Variants in PIP5KL1 observed in about 807,000 individuals in gnomAD.
PIP5KL1 encodes the protein phosphatidylinositol 4-phosphate 5-kinase-like protein 1.
PIP5KL1 carries 45 observed loss-of-function variants against 47.6 expected under a neutral mutation model. The observed-to-expected ratio is 0.94, with a 90% CI of 0.74 to 1.21. The LOEUF is 1.21. PIP5KL1 is among the 50% of genes most tolerant of loss of function. The pLI is 0.00. For synonymous variants in PIP5KL1, 256 were observed against 234.6 expected, an observed-to-expected ratio of 1.09 and a Z score of -0.84; for missense variants, 577 against 547.6, an observed-to-expected ratio of 1.05 and a Z score of -0.54.
chr9:127,922,718 A>G (rs1444800321), intron 9 of PIP5KL1, among the ~76,000 whole-genome samples: 2 of 150,702 alleles, frequency 1.3e-5, no homozygotes, highest in Non-Finnish European at 2.9e-5. Flanking sequence ...AAAAGAAAAA[A>G]GAAAAAGAAA....
chr9:127,925,799 C>G (rs1375926978), intron 8 of PIP5KL1, 68 bp downstream of exon 8: 1 of 1,326,296 alleles, frequency 7.5e-7, no homozygotes, highest in East Asian at 2.3e-5. Context: ...CAGAGGGCAG[C>G]AGGGACACCC....
At chr9:127,930,516 G>T (rs558080068) in intron 1 of PIP5KL1, among the ~76,000 whole-genome samples, 137 of 152,358 alleles carry the variant, frequency 9.0e-4, no homozygotes, top group African/African-American at 3.0e-3. Flanking sequence ...TTTTCCCAAT[G>T]AGAAAGCTGA....
Position 127,927,600 on chromosome 9 carries a change from T to C in PIP5KL1, c.559+48A>G. On this transcript the variant is annotated intron_variant, in intron 5 of 9. Transcript: ENST00000388747. The surrounding 1 kb of genome is among the most constrained non-coding windows in gnomAD (Gnocchi z 5.5). ...ACATACCCCGCCCTCCCCAGGTATA[T>C]GATGACCTAGGACCCGCCCCCACCG... 7.1e-7 allele frequency: 1 copy of C among 1,407,002 alleles called. No individual in the cohort carries two copies. Among genetic ancestry groups the C allele is most frequent in the South Asian group, 1.3e-5 (1 of 77,912 alleles). 87.2% of individuals were successfully genotyped at this position (1,407,002 alleles called of 1,614,324 possible). A position where few individuals can be genotyped will look rare whatever the true frequency, so the allele number is the denominator to read the frequency against.
At chr9:127,926,043 C>A in intron 7 of PIP5KL1, 64 bp from the exon 8 acceptor site, 1 of 1,131,254 alleles carries the variant, frequency 8.8e-7, no homozygotes, top group Non-Finnish European at 1.3e-6. Flanking sequence ...CTCACAAGAG[C>A]TTCCAGTGAC....
Position 127,927,123 on chromosome 9 carries a change from T to G in PIP5KL1, c.650+30A>C, listed in dbSNP as rs2131639313. On this transcript the variant is annotated intron_variant, in intron 7 of 9. Transcript: ENST00000388747. The surrounding 1 kb of genome is among the most constrained non-coding windows in gnomAD (Gnocchi z 5.5). ...TTCGGGCCGCGAGTTTCGGCTGGGA[T>G]GGGGGCCCAAACCTGCTTAGGCCAC... 1.9e-6 allele frequency: 3 copies of G among 1,580,772 alleles called. No homozygotes were observed. The highest frequency in any genetic ancestry group is 2.3e-5 in the South Asian group (2 of 88,474).
Position 127,928,036 on chromosome 9 carries a change from C to T in PIP5KL1, c.434+29G>A, listed in dbSNP as rs751066862. On this transcript the variant is annotated intron_variant, in intron 4 of 9. Coordinates refer to ENST00000388747, the MANE Select transcript of PIP5KL1 (RefSeq NM_001135219.2). ...CTCCCAGCCAGGGGTACCACTCCCA[C>T]CCCTGCCCCACCCCTGCCGCAAGCT... is the stretch of plus-strand genomic sequence containing the variant. The T allele has an allele frequency of 7.3e-6, 11 of 1,507,500 alleles. No homozygotes were observed. In the South Asian group the frequency reaches 1.2e-4, roughly 16 times the overall value. The allele number at this position is 1,507,500 out of a possible 1,614,324, so 93.4% of individuals were successfully genotyped here.
At chr9:127,928,017 G>T in intron 4 of PIP5KL1, 48 bp downstream of exon 4, 1 of 1,482,606 alleles carries the variant, frequency 6.7e-7, no homozygotes, top group Non-Finnish European at 9.0e-7. Flanking sequence ...TGCCCTCCCA[G>T]CCAGGGGTAC....
chr9:127,927,207 G>A lies in PIP5KL1; in HGVS notation c.596C>T (p.Thr199Met). 2.5e-6 allele frequency: 4 copies of A among 1,613,230 alleles called. No homozygotes were observed. The highest frequency in any genetic ancestry group is 3.4e-6 in the Non-Finnish European group (4 of 1,179,768). ...HSLRVDRGKK[T>M]YFIVMQSVFY... ...GACGCTCTGCATGACGATGAAGTACGTCTGGGGGCCGGGACAGGGAGTGAG... is the reference window on the plus strand; with the variant it reads ...GACGCTCTGCATGACGATGAAGTACATCTGGGGGCCGGGACAGGGAGTGAG... Residue 199 changes from threonine to methionine, a missense_variant and splice_region_variant, in exon 7 of 10, where the codon ACG (threonine) becomes ATG (methionine). Coordinates refer to ENST00000388747, the MANE Select transcript of PIP5KL1 (RefSeq NM_001135219.2). The surrounding 1 kb of genome is among the most constrained non-coding windows in gnomAD (Gnocchi z 5.5).
intron 7 of PIP5KL1, 33 bp from the exon 8 acceptor site, chr9:127,926,012 G>C: frequency 1.3e-6 from 2 of 1,488,094 alleles, no homozygotes; most frequent in South Asian, 1.2e-5. Flanking sequence ...GCTTTACATA[G>C]ATTTGAGACA....
At position 127,921,990 on chromosome 9, in the gene PIP5KL1, C is replaced by A. The variant is rs1195276712; in HGVS notation, c.1042G>T (p.Asp348Tyr). The change falls in exon 10 of 10, where the codon GAT becomes TAT. Residue 348 changes from aspartate (D) to tyrosine (Y), a missense_variant. By Grantham distance (160) the Asp-to-Tyr change is radical. Coordinates refer to ENST00000388747, the MANE Select transcript of PIP5KL1 (RefSeq NM_001135219.2). ...PEQRYFLGVVDLATVYGLRKR... is the reference protein window; with the variant it reads ...PEQRYFLGVVYLATVYGLRKR... ...CGGAGCCCGTAGACTGTGGCGAGAT[C>A]CACGACGCCCAGGAAATAGCGCTGC... 6.3e-7 allele frequency: 1 copy of A among 1,577,152 alleles called. No individual in the cohort carries two copies. The highest frequency in any genetic ancestry group is 8.6e-7 in the Non-Finnish European group (1 of 1,162,542).
chr9:127,921,974 T>TAGACTGTGGCGAGATCCA lies in PIP5KL1; in HGVS notation c.1040_1057dup (p.Val352_Tyr353insLeuAspLeuAlaThrVal). On this transcript the variant is annotated inframe_insertion, in exon 10 of 10. Coordinates refer to ENST00000388747, the MANE Select transcript of PIP5KL1 (RefSeq NM_001135219.2). ...GTGCTCCAGCCGCTTGCGGAGCCCG[T>TAGACTGTGGCGAGATCCA]AGACTGTGGCGAGATCCACGACGCC... The TAGACTGTGGCGAGATCCA allele has an allele frequency of 1.3e-6, 2 of 1,577,618 alleles. No individual in the cohort carries two copies. The highest frequency in any genetic ancestry group is 1.7e-6 in the Non-Finnish European group (2 of 1,162,794).
Position 127,927,480 on chromosome 9 carries a change from C to T in PIP5KL1, c.560-149G>A. On this transcript the variant is annotated intron_variant, in intron 5 of 9. Coordinates refer to ENST00000388747, the MANE Select transcript of PIP5KL1 (RefSeq NM_001135219.2). This position sits in a 1 kb window ranked among gnomAD's most constrained non-coding sequence, Gnocchi z 5.5. ...GGCTGGTCCGGATCCCGACCCGATC[C>T]CACCCCTAAACACAGCCCCAGTGGT... 1.4e-6 allele frequency: 2 copies of T among 1,468,092 alleles called. No individual in the cohort carries two copies. The highest frequency in any genetic ancestry group is 1.8e-6 in the Non-Finnish European group (2 of 1,110,350). 90.9% of individuals were successfully genotyped at this position (1,468,092 alleles called of 1,614,324 possible). A position where few individuals can be genotyped will look rare whatever the true frequency, so the allele number is the denominator to read the frequency against.
At position 127,927,066 on chromosome 9, in the gene PIP5KL1, G is replaced by C. The variant is rs1441479807; in HGVS notation, c.650+87C>G. The stretch of plus-strand genomic sequence containing the variant: ...ACGCCCCTTCTCCTTCCTGGGCCTC[G>C]GTTTCACCGTCTGGCTAGTGAGTGT... On this transcript the variant is annotated intron_variant, in intron 7 of 9. Coordinates refer to ENST00000388747, the MANE Select transcript of PIP5KL1 (RefSeq NM_001135219.2). The surrounding 1 kb of genome is among the most constrained non-coding windows in gnomAD (Gnocchi z 5.5). 1.4e-6 allele frequency: 2 copies of C among 1,411,486 alleles called. No homozygotes were observed. Among genetic ancestry groups the C allele is most frequent in the Non-Finnish European group, 1.9e-6 (2 of 1,044,322 alleles). The allele number at this position is 1,411,486 out of a possible 1,614,324, so 87.4% of individuals were successfully genotyped here.
chr9:127,925,466 AT>A, intron 8 of PIP5KL1: 2 of 584,712 alleles, frequency 3.4e-6, no homozygotes, highest in Non-Finnish European at 5.8e-6. Context: ...AATCTCTTTT[AT>A]TTTTATTTTA....
Position 127,921,587 on chromosome 9 carries a change from G to A in PIP5KL1, c.*260C>T. 1 of 509,392 alleles carries A rather than the reference G, an allele frequency of 2.0e-6. No homozygotes were observed. The highest frequency in any genetic ancestry group is 2.5e-5 in the South Asian group (1 of 40,340). 31.6% of individuals were successfully genotyped at this position (509,392 alleles called of 1,614,324 possible). ...ATCTTGATCAGTCCCTTCACCCCCT[G>A]AGCCTCCATTTCATGGTCTGTAAAA... On this transcript the variant is annotated 3_prime_UTR_variant, in exon 10 of 10. Transcript: ENST00000388747.
At position 127,925,267 on chromosome 9, in the gene PIP5KL1, G is replaced by A. The variant is rs1355715093; in HGVS notation, c.764-7C>T. 6.2e-7 allele frequency: 1 copy of A among 1,610,794 alleles called. No individual in the cohort carries two copies. The highest frequency in any genetic ancestry group is 8.5e-7 in the Non-Finnish European group (1 of 1,179,918). ...AACCAGCTCCGCTGGGGCCCTGCCGGAGCATCAGTGCCCCCACCTGAGCGC... is the reference window on the plus strand; with the variant it reads ...AACCAGCTCCGCTGGGGCCCTGCCGAAGCATCAGTGCCCCCACCTGAGCGC... On this transcript the variant is annotated splice_region_variant and splice_polypyrimidine_tract_variant and intron_variant, in intron 8 of 9. Coordinates refer to ENST00000388747, the MANE Select transcript of PIP5KL1 (RefSeq NM_001135219.2).
chr9:127,926,008 C>A (rs771713052), intron 7 of PIP5KL1, 29 bp from the exon 8 acceptor site: 1 of 1,532,026 alleles, frequency 6.5e-7, no homozygotes, highest in Admixed American at 1.7e-5. Flanking sequence ...TTCAGCTTTA[C>A]ATAGATTTGA....
chr9:127,926,233 T>C (rs1010756940), intron 7 of PIP5KL1, among the ~76,000 whole-genome samples: 1 of 151,428 alleles, frequency 6.6e-6, no homozygotes, highest in Non-Finnish European at 1.5e-5. Context: ...TCCCTTTTTT[T>C]TTTTTTTTGG....
rs975038407 is a variant in PIP5KL1 at position 127,921,657 on chromosome 9, G to A, written c.*190C>T. 6.9e-6 allele frequency: 5 copies of A among 729,260 alleles called. No individual in the cohort carries two copies. In the East Asian group the frequency reaches 1.1e-4, roughly 16 times the overall value. 45.2% of individuals were successfully genotyped at this position (729,260 alleles called of 1,614,324 possible). A position where few individuals can be genotyped will look rare whatever the true frequency, so the allele number is the denominator to read the frequency against. On this transcript the variant is annotated 3_prime_UTR_variant, in exon 10 of 10. Coordinates refer to ENST00000388747, the MANE Select transcript of PIP5KL1 (RefSeq NM_001135219.2). The stretch of plus-strand genomic sequence containing the variant: ...TGAGGATTAAATGAGCTAAAGTAGG[G>A]GAGTCCTTGGCACGATGCTGGGCAC...
Sources: allele counts gnomAD v4.1 joint callset (sites outside exome capture counted in the v4.1 genomes callset), GRCh38; gene constraint gnomAD v4.1.1; non-coding constraint Gnocchi (gnomAD v3.1); transcripts MANE v1.5; gene names NCBI Gene and HGNC (gene_info 2026-07-23, HGNC 2026-07-21).